TXNRD3: variants seen among roughly 807,000 people sequenced by gnomAD.
The protein encoded by TXNRD3 is TXNRD3 neighbor gene protein.
Under a neutral mutation model 78.2 loss-of-function variants are expected in TXNRD3, and 68 were observed. The ratio of observed to expected loss-of-function variants is 0.87; its 90% CI spans 0.72 to 1.06. The LOEUF (loss-of-function observed/expected upper bound fraction) is 1.06, where lower values mean the gene tolerates loss of function less well. Among genes scored for constraint, TXNRD3 ranks in the 50% least tolerant of loss-of-function variants. The pLI is 0.00. For missense variants in TXNRD3, 751 were observed against 809.5 expected (o/e 0.93, Z 0.88); for synonymous variants, 296 against 300.1 (o/e 0.99, Z 0.14).
Position 126,654,925 on chromosome 3 carries a change from C to G in TXNRD3, c.66G>C (p.Ser22=), listed in dbSNP as rs942971220. ...ACACGCGCGCCCCTCGGACATGGCC[C>G]GAGCGGCGGTTGGGGGCATCGCCCG... is the stretch of plus-strand genomic sequence containing the variant. The change falls in exon 1 of 16, where the codon TCG becomes TCC. Residue 22 remains serine, a synonymous_variant. Transcript: ENST00000524230. 3 of 1,298,548 alleles carry G rather than the reference C, an allele frequency of 2.3e-6. No homozygotes were observed. The African/African-American group carries it at 4.7e-5, about 20-fold the overall frequency. The allele number at this position is 1,298,548 out of a possible 1,614,324, so 80.4% of individuals were successfully genotyped here.
At position 126,646,055 on chromosome 3, in the gene TXNRD3, AT is replaced by A; in HGVS notation, c.414+55del. The A allele has an allele frequency of 3.0e-6, 4 of 1,347,468 alleles. No individual in the cohort carries two copies. In the South Asian group the frequency reaches 6.1e-5, roughly 21 times the overall value. The allele number at this position is 1,347,468 out of a possible 1,614,324, so 83.5% of individuals were successfully genotyped here. On this transcript the variant is annotated intron_variant, in intron 3 of 15. Transcript: ENST00000524230. ...TAAAAACCATTTTCTCCTCTTTTAAATACTTTTTTAAAATATGAACAAACAG... is the reference window on the plus strand; with the variant it reads ...TAAAAACCATTTTCTCCTCTTTTAAAACTTTTTTAAAATATGAACAAACAG...
chr3:126,654,729 C>G lies in TXNRD3; in HGVS notation c.243+19G>C. 7.8e-7 allele frequency: 1 copy of G among 1,286,778 alleles called. No individual in the cohort carries two copies. The highest frequency in any genetic ancestry group is 9.8e-7 in the Non-Finnish European group (1 of 1,019,160). The allele number at this position is 1,286,778 out of a possible 1,614,324, so 79.7% of individuals were successfully genotyped here. A position where few individuals can be genotyped will look rare whatever the true frequency, so the allele number is the denominator to read the frequency against. On this transcript the variant is annotated intron_variant, in intron 1 of 15. Coordinates refer to ENST00000524230, the MANE Select transcript of TXNRD3 (RefSeq NM_052883.3). ...CGGGCCCGGTCGCGCGCGGTGGAAC[C>G]GGCGAGGGCCGCGCCTACCCGAGTA...
At chr3:126,616,642 C>G (rs1938326633) in intron 12 of TXNRD3, among the ~76,000 whole-genome samples, 1 of 152,124 alleles carries the variant, frequency 6.6e-6, no homozygotes, top group Non-Finnish European at 1.5e-5. Context: ...GCAGGCAGGC[C>G]CAGCCCTAGT....
At chr3:126,616,506 TG>T (rs1292908540) in intron 12 of TXNRD3, among the ~76,000 whole-genome samples, 1 of 152,136 alleles carries the variant, frequency 6.6e-6, no homozygotes, top group East Asian at 1.9e-4. Context: ...ATTTTCCAGG[TG>T]GTAGAGGAAC....
intron 9 of TXNRD3, 120 bp from the exon 10 acceptor site, chr3:126,629,591 G>A (rs776718891): frequency 1.5e-6 from 1 of 673,168 alleles, no homozygotes; most frequent in Non-Finnish European, 2.4e-6. Flanking sequence ...CATATAATAG[G>A]TGTTAGTATA....
chr3:126,642,160 G>A lies in TXNRD3; in HGVS notation c.593-9C>T, dbSNP rs1933106507. 1 of 1,528,408 alleles carries A rather than the reference G, an allele frequency of 6.5e-7. No individual in the cohort carries two copies. Among genetic ancestry groups the A allele is most frequent in the South Asian group, 1.2e-5 (1 of 82,464 alleles). 94.7% of individuals were successfully genotyped at this position (1,528,408 alleles called of 1,614,324 possible). On this transcript the variant is annotated splice_polypyrimidine_tract_variant and intron_variant, in intron 5 of 15. Coordinates refer to ENST00000524230, the MANE Select transcript of TXNRD3 (RefSeq NM_052883.3). ...ACAAGTGCCACCAAGACCTGAGGAA[G>A]AAAATAAGTTTTAATGCTTCTTTGT...
chr3:126,624,919 T>C, intron 10 of TXNRD3: 2 of 211,030 alleles, frequency 9.5e-6, no homozygotes, highest in Admixed American at 8.5e-5. Context: ...GGAGCCAGGT[T>C]GTATGTTGGA....
At chr3:126,616,342 G>T (rs557162689) in intron 12 of TXNRD3, among the ~76,000 whole-genome samples, 6 of 152,292 alleles carry the variant, frequency 3.9e-5, no homozygotes, top group African/African-American at 1.4e-4. Flanking sequence ...CCCAATCCCT[G>T]CCAATGGCCA....
At chr3:126,641,469 C>T (rs2107624784) in intron 6 of TXNRD3, among the ~76,000 whole-genome samples, 1 of 152,306 alleles carries the variant, frequency 6.6e-6, no homozygotes, top group Non-Finnish European at 1.5e-5. Context: ...TTCCCTGACA[C>T]TCCCCCACCA....
At chr3:126,653,129 C>T (rs1933429619) in intron 1 of TXNRD3, among the ~76,000 whole-genome samples, 1 of 152,172 alleles carries the variant, frequency 6.6e-6, no homozygotes, top group Non-Finnish European at 1.5e-5. Flanking sequence ...TAATATTAGA[C>T]ATGTTTTGGG....
At chr3:126,634,904 A>T (rs1164810559) in intron 6 of TXNRD3, among the ~76,000 whole-genome samples, 2 of 152,198 alleles carry the variant, frequency 1.3e-5, no homozygotes, top group Non-Finnish European at 2.9e-5. Flanking sequence ...ACCATGCAGG[A>T]AAGGGAGTCG....
intron 13 of TXNRD3, among the ~76,000 whole-genome samples, chr3:126,614,385 G>A: frequency 6.6e-6 from 1 of 152,052 alleles, no homozygotes; most frequent in East Asian, 1.9e-4. Context: ...CATCCTTCCT[G>A]TCATGTGCCT....
At chr3:126,643,271 G>C (rs1017593363) in intron 5 of TXNRD3, among the ~76,000 whole-genome samples, 4 of 152,214 alleles carry the variant, frequency 2.6e-5, no homozygotes, top group African/African-American at 9.6e-5. Flanking sequence ...AGAGGCAGAG[G>C]GGGAATGCAT....
chr3:126,614,074 C>G (rs912153421), intron 13 of TXNRD3, among the ~76,000 whole-genome samples: 2 of 151,934 alleles, frequency 1.3e-5, no homozygotes, highest in Admixed American at 1.3e-4. Flanking sequence ...GTGTTTGTGT[C>G]TTCATTTTTT....
intron 6 of TXNRD3, among the ~76,000 whole-genome samples, chr3:126,639,996 G>C (rs1176447405): frequency 1.3e-5 from 2 of 152,040 alleles, no homozygotes; most frequent in Non-Finnish European, 2.9e-5. Flanking sequence ...CTTGACCTAA[G>C]GCTCTCCATT....
At chr3:126,649,215 T>G (rs1168899089) in intron 1 of TXNRD3, among the ~76,000 whole-genome samples, 1 of 152,196 alleles carries the variant, frequency 6.6e-6, no homozygotes, top group Non-Finnish European at 1.5e-5. Flanking sequence ...ATAAGAGATA[T>G]AAATGGCCAA....
At chr3:126,633,785 G>A (rs1010463054) in intron 7 of TXNRD3, 124 bp downstream of exon 7, 46 of 384,554 alleles carry the variant, frequency 1.2e-4, no homozygotes, top group Non-Finnish European at 1.8e-4. Flanking sequence ...ATGCATGGCC[G>A]TGTGTGTGTG....
chr3:126,614,338 T>C (rs1287325694), intron 13 of TXNRD3, among the ~76,000 whole-genome samples: 1 of 152,234 alleles, frequency 6.6e-6, no homozygotes, highest in Non-Finnish European at 1.5e-5. Context: ...ACTTGTTTCC[T>C]ATAAAGATAC....
At chr3:126,641,869 G>C (rs563080907) in intron 6 of TXNRD3, among the ~76,000 whole-genome samples, 163 bp downstream of exon 6, 66 of 152,202 alleles carry the variant, frequency 4.3e-4, no homozygotes, top group African/African-American at 1.5e-3. Context: ...CAAGAGCGGG[G>C]GGCCCTTTTG....
Sources: gnomAD v4.1 joint callset for allele counts (sites outside exome capture counted in the v4.1 genomes callset) on GRCh38, gnomAD v4.1.1 for gene constraint, MANE v1.5 for transcripts, NCBI Gene and HGNC (gene_info 2026-07-23, HGNC 2026-07-21) for gene names.